Variants in SUN1 observed in about 807,000 individuals in gnomAD.
SUN1 encodes the protein SUN domain-containing protein 1.
SUN1 carries 61 observed loss-of-function variants against 103.2 expected under a neutral mutation model. The observed-to-expected ratio is 0.59, with a 90% CI of 0.48 to 0.73. The LOEUF (loss-of-function observed/expected upper bound fraction) is 0.73. Ranked by LOEUF, SUN1 falls within the 30% of genes least tolerant of loss-of-function variation. The probability of loss-of-function intolerance (pLI) is 0.00; values close to 1 mark genes in which losing one functional copy is unlikely to be tolerated. For missense variants in SUN1, 1,052 were observed against 1,034.6 expected, an observed-to-expected ratio of 1.02 and a Z score of -0.23; for synonymous variants, 490 against 425.7, an observed-to-expected ratio of 1.15 and a Z score of -1.86.
intron 1 of SUN1, among the ~76,000 whole-genome samples, chr7:822,879 C>T (rs1054433335): frequency 5.3e-5 from 8 of 152,144 alleles, no homozygotes; most frequent in African/African-American, 1.4e-4. Flanking sequence ...TGTGGCCACC[C>T]GCGAATTCCC....
At chr7:853,334 C>G in intron 9 of SUN1, 75 bp from the exon 10 acceptor site, 1 of 1,544,022 alleles carries the variant, frequency 6.5e-7, no homozygotes, top group African/African-American at 1.4e-5. Context: ...CTGTAGGACA[C>G]TGTTTGGAGG....
At chr7:840,213 C>G (rs1807934447) in intron 2 of SUN1, among the ~76,000 whole-genome samples, 3 of 152,216 alleles carry the variant, frequency 2.0e-5, no homozygotes, top group Admixed American at 6.5e-5. Flanking sequence ...CCACAGTCAT[C>G]TAGGGAGTTC....
chr7:869,117 C>CT (rs1299316228), intron 16 of SUN1: 8 of 544,988 alleles, frequency 1.5e-5, no homozygotes, highest in Non-Finnish European at 2.6e-5. Flanking sequence ...ACCCATTTTT[C>CT]TTTAAGGTTC....
intron 9 of SUN1, 101 bp downstream of exon 9, chr7:853,053 T>C: frequency 7.0e-7 from 1 of 1,434,646 alleles, no homozygotes; most frequent in East Asian, 2.4e-5. Flanking sequence ...GGTGTCCTGT[T>C]GTAAGAAGTA....
chr7:855,165 G>A (rs527542515), intron 11 of SUN1, among the ~76,000 whole-genome samples, 159 bp downstream of exon 11: 44 of 152,276 alleles, frequency 2.9e-4, no homozygotes, highest in East Asian at 1.9e-3. Context: ...GTGTGGCAGC[G>A]GCTCTGGGGC....
rs761721480 is a variant in SUN1, at chr7:861,442, G to T, written c.1842G>T (p.Val614=). The T allele has an allele frequency of 2.4e-5, 38 of 1,614,186 alleles. No homozygotes were observed. The highest frequency in any genetic ancestry group is 3.2e-5 in the Non-Finnish European group (38 of 1,180,028). The stretch of plus-strand genomic sequence containing the variant: ...ATTCCCAAGATAAGACCGGGATGGT[G>T]GACTTTGCTCTGGAATCTGGTGGTG... ...KLYSQDKTGM[V]DFALESGGGS... is the part of the protein sequence containing the mutation. Residue 614 remains valine (V), a synonymous_variant, in exon 15 of 19, where the codon GTG becomes GTT. Transcript: ENST00000401592.
chr7:857,716 T>C (rs1389344878), intron 12 of SUN1, 112 bp from the exon 13 acceptor site: 2 of 1,364,518 alleles, frequency 1.5e-6, no homozygotes, highest in Admixed American at 2.6e-5. Context: ...ATGACATCTG[T>C]ACAGTTGTGA....
intron 5 of SUN1, chr7:851,107 T>G: frequency 4.0e-6 from 1 of 247,944 alleles, no homozygotes; most frequent in Non-Finnish European, 7.9e-6. Flanking sequence ...CCCCCTGGGG[T>G]TTTTAGGAGA....
chr7:858,388 A>T (rs949194913), intron 13 of SUN1, among the ~76,000 whole-genome samples: 5 of 67,292 alleles, frequency 7.4e-5, no homozygotes, highest in African/African-American at 1.0e-4. Context: ...TCCCTTTAAA[A>T]ACTTTTTTTT....
At chr7:865,786 G>A (rs1008487978) in intron 15 of SUN1, among the ~76,000 whole-genome samples, 166 bp from the exon 16 acceptor site, 1 of 152,166 alleles carries the variant, frequency 6.6e-6, no homozygotes, top group Non-Finnish European at 1.5e-5. Context: ...CATTGTAACT[G>A]GGGGGAGAAG....
At chr7:871,353 T>C (rs1841530138) in intron 17 of SUN1, among the ~76,000 whole-genome samples, 1 of 152,198 alleles carries the variant, frequency 6.6e-6, no homozygotes, top group African/African-American at 2.4e-5. Flanking sequence ...TTGTTGCTCT[T>C]AATTTTGTAT....
chr7:851,326 C>CA, intron 5 of SUN1, 58 bp from the exon 6 acceptor site: 1 of 1,468,388 alleles, frequency 6.8e-7, no homozygotes, highest in Non-Finnish European at 9.3e-7. Context: ...ACCGTGCTGT[C>CA]ACTGCAGAGG....
At chr7:829,659 A>G (rs1004883066), upstream of SUN1, among the ~76,000 whole-genome samples, 5 of 148,060 alleles carry the variant, frequency 3.4e-5, no homozygotes, top group Admixed American at 2.1e-4. Flanking sequence ...GGTTCATGCC[A>G]TTCTCCTGCC....
chr7:826,688 C>T (rs527813804), intron 1 of SUN1, among the ~76,000 whole-genome samples: 10 of 152,292 alleles, frequency 6.6e-5, no homozygotes, highest in Admixed American at 6.5e-4. Context: ...TCCGTGTGGG[C>T]AGGTTCCCCA....
chr7:829,724 T>G (rs1177089033), upstream of SUN1, among the ~76,000 whole-genome samples: 1 of 151,980 alleles, frequency 6.6e-6, no homozygotes, highest in Non-Finnish European at 1.5e-5. Context: ...CCAGCTAACT[T>G]TTTGTATTTT....
chr7:852,437 T>C (rs1382308693), intron 7 of SUN1, 172 bp from the exon 8 acceptor site: 1 of 734,278 alleles, frequency 1.4e-6, no homozygotes, highest in African/African-American at 1.8e-5. Context: ...AAAGACACCA[T>C]TTTACATGAA....
At chr7:864,540 G>C (rs1194923812) in intron 15 of SUN1, among the ~76,000 whole-genome samples, 1 of 122,910 alleles carries the variant, frequency 8.1e-6, no homozygotes, top group Non-Finnish European at 1.7e-5. Context: ...GGCAACAAGA[G>C]CAAAACTTTA....
intron 1 of SUN1, among the ~76,000 whole-genome samples, chr7:818,077 T>G (rs1175559459): frequency 6.6e-6 from 1 of 152,230 alleles, no homozygotes; most frequent in African/African-American, 2.4e-5. Flanking sequence ...TTCACCTGCT[T>G]TTTGTTTTTG....
chr7:830,261 C>G (rs551330136), upstream of SUN1, among the ~76,000 whole-genome samples: 1 of 152,272 alleles, frequency 6.6e-6, no homozygotes, highest in East Asian at 1.9e-4. Flanking sequence ...CCTCTGCTGC[C>G]GCTGCCTCGC....
Sources: gnomAD v4.1 joint callset for allele counts (sites outside exome capture counted in the v4.1 genomes callset) on GRCh38, gnomAD v4.1.1 for gene constraint, MANE v1.5 for transcripts, NCBI Gene and HGNC (gene_info 2026-07-23, HGNC 2026-07-21) for gene names.